HACE1: variants seen among roughly 807,000 people sequenced by gnomAD.
HACE1 encodes the protein E3 ubiquitin-protein ligase HACE1.
Under a neutral mutation model 118.4 loss-of-function variants are expected in HACE1, and 73 were observed. The ratio of observed to expected loss-of-function variants is 0.62; its 90% CI spans 0.51 to 0.75. The LOEUF (loss-of-function observed/expected upper bound fraction) is 0.75, where lower values mean the gene tolerates loss of function less well. HACE1 is among the 30% of genes least tolerant of loss of function. The probability of loss-of-function intolerance (pLI) is 0.00; values close to 1 mark genes in which losing one functional copy is unlikely to be tolerated. For missense variants in HACE1, 749 were observed against 1,102.2 expected, an observed-to-expected ratio of 0.68 and a Z score of 4.54; for synonymous variants, 368 against 374.8, an observed-to-expected ratio of 0.98 and a Z score of 0.21.
At chr6:104,747,097 C>T (rs1319066915) in intron 20 of HACE1, among the ~76,000 whole-genome samples, 1 of 151,660 alleles carries the variant, frequency 6.6e-6, no homozygotes, top group African/African-American at 2.4e-5. Flanking sequence ...ATAAAATGTA[C>T]ATATTAAGAA....
At chr6:104,818,264 G>A (rs1562440817) in intron 6 of HACE1, among the ~76,000 whole-genome samples, 1 of 152,078 alleles carries the variant, frequency 6.6e-6, no homozygotes, top group Non-Finnish European at 1.5e-5. Context: ...TATAAGAGAA[G>A]GACTACGTGG....
chr6:104,811,453 C>T, intron 6 of HACE1, 60 bp from the exon 7 acceptor site: 1 of 819,832 alleles, frequency 1.2e-6, no homozygotes, highest in Non-Finnish European at 2.1e-6. Flanking sequence ...GATACAATTA[C>T]CACAATTTTA....
chr6:104,785,319 G>C lies in HACE1; in HGVS notation c.1075C>G (p.Pro359Ala). 1 of 1,572,568 alleles carries C rather than the reference G, an allele frequency of 6.4e-7. No homozygotes were observed. ...AACGAGTGCCAAAGCAATTCCAGAG[G>C]CTGAGAGAAACAAAAGTGTTTTTTA... ...NKTPRSQVFK[P>A]LELLWHSLDE... is the part of the protein sequence containing the mutation. Residue 359 changes from proline (P) to alanine (A), a missense_variant and splice_region_variant, in exon 12 of 24, where the codon CCT becomes GCT. Coordinates refer to ENST00000262903, the MANE Select transcript of HACE1 (RefSeq NM_020771.4).
At chr6:104,742,151 A>G (rs1192539351) in intron 22 of HACE1, among the ~76,000 whole-genome samples, 1 of 133,172 alleles carries the variant, frequency 7.5e-6, no homozygotes, top group Admixed American at 7.4e-5. Context: ...ACCTTATACA[A>G]AAATCAATTC....
chr6:104,849,283 A>G, intron 3 of HACE1, 37 bp from the exon 4 acceptor site: 2 of 1,118,752 alleles, frequency 1.8e-6, no homozygotes, highest in Non-Finnish European at 2.7e-6. Context: ...GATACATTCA[A>G]CATACAGCCA....
intron 7 of HACE1, among the ~76,000 whole-genome samples, chr6:104,802,033 CAAA>C (rs533831848): frequency 6.8e-5 from 4 of 58,744 alleles, no homozygotes; most frequent in African/African-American, 1.1e-4. Context: ...AACGAAAAGC[CAAA>C]AAAAAAAAAA....
intron 14 of HACE1, among the ~76,000 whole-genome samples, chr6:104,778,048 T>C (rs182934289): frequency 9.2e-5 from 14 of 152,306 alleles, no homozygotes; most frequent in African/African-American, 3.4e-4. Flanking sequence ...CATGAGCCAC[T>C]GCGCCCGGCC....
intron 6 of HACE1, among the ~76,000 whole-genome samples, chr6:104,824,176 C>G (rs889272866): frequency 1.3e-5 from 2 of 152,214 alleles, no homozygotes; most frequent in Non-Finnish European, 2.9e-5. Context: ...CTTAATTGGA[C>G]ATACAGTAGT....
At chr6:104,829,037 AT>A (rs996879674) in intron 6 of HACE1, among the ~76,000 whole-genome samples, 24 of 151,938 alleles carry the variant, frequency 1.6e-4, no homozygotes, top group Middle Eastern at 3.2e-3. Flanking sequence ...TCTTAATGGA[AT>A]TTTTTCCCCA....
intron 5 of HACE1, among the ~76,000 whole-genome samples, chr6:104,839,581 T>C (rs74596706): frequency 2.2e-3 from 329 of 152,300 alleles, no homozygotes; most frequent in African/African-American, 7.7e-3. Flanking sequence ...GTGTTAGAAA[T>C]GTTCAGAATA....
intron 6 of HACE1, among the ~76,000 whole-genome samples, chr6:104,818,565 T>C (rs571445397): frequency 1.3e-5 from 2 of 152,076 alleles, no homozygotes; most frequent in Admixed American, 1.3e-4. Flanking sequence ...CACCAAAACC[T>C]GGCAGAGATA....
chr6:104,750,497 T>G (rs768992721), intron 19 of HACE1, 25 bp from the exon 20 acceptor site: 76 of 1,608,964 alleles, frequency 4.7e-5, no homozygotes, highest in Non-Finnish European at 6.4e-5. Context: ...GTTTTCATGA[T>G]GACTTTTCAA....
intron 20 of HACE1, among the ~76,000 whole-genome samples, chr6:104,747,920 G>A (rs1346821376): frequency 6.6e-6 from 1 of 151,928 alleles, no homozygotes; most frequent in Non-Finnish European, 1.5e-5. Context: ...CTAGGAACCT[G>A]ATCTAAATTT....
At chr6:104,814,310 T>C (rs904685498) in intron 6 of HACE1, among the ~76,000 whole-genome samples, 2 of 137,148 alleles carry the variant, frequency 1.5e-5, no homozygotes, top group African/African-American at 2.9e-5. Context: ...GGATAAGAGA[T>C]TCCAGAGATA....
intron 1 of HACE1, among the ~76,000 whole-genome samples, chr6:104,854,950 A>G (rs1303213823): frequency 6.6e-6 from 1 of 152,212 alleles, no homozygotes; most frequent in Non-Finnish European, 1.5e-5. Flanking sequence ...ATACTAATAA[A>G]TCCTATTAAT....
chr6:104,783,608 G>A (rs1280436439), intron 14 of HACE1, among the ~76,000 whole-genome samples: 1 of 152,200 alleles, frequency 6.6e-6, no homozygotes, highest in African/African-American at 2.4e-5. Context: ...TGTAACATGA[G>A]ATGTATGGAA....
intron 19 of HACE1, among the ~76,000 whole-genome samples, chr6:104,751,563 G>A (rs978468737): frequency 3.3e-5 from 5 of 152,188 alleles, no homozygotes; most frequent in Admixed American, 1.3e-4. Context: ...CCAGGAGTTC[G>A]AGTCTGCAGT....
At chr6:104,761,315 T>A (rs771818409) in intron 19 of HACE1, among the ~76,000 whole-genome samples, 1 of 152,132 alleles carries the variant, frequency 6.6e-6, no homozygotes, top group Non-Finnish European at 1.5e-5. Flanking sequence ...AAGGCTACAG[T>A]AACCAAAACA....
chr6:104,775,891 C>A (rs2114740147), intron 17 of HACE1, among the ~76,000 whole-genome samples: 1 of 152,218 alleles, frequency 6.6e-6, no homozygotes, highest in Admixed American at 6.5e-5. Context: ...AGCATTCTCT[C>A]CTGATAAAAG....
Sources: allele counts gnomAD v4.1 joint callset (sites outside exome capture counted in the v4.1 genomes callset), GRCh38; gene constraint gnomAD v4.1.1; transcripts MANE v1.5; gene names NCBI Gene and HGNC (gene_info 2026-07-23, HGNC 2026-07-21).